TSEN15: variants seen among roughly 807,000 people sequenced by gnomAD.
TSEN15 encodes tRNA-splicing endonuclease subunit Sen15.
A neutral mutation model predicts 20.5 loss-of-function variants in TSEN15; 10 were observed. The ratio of observed to expected loss-of-function variants is 0.49; its 90% CI spans 0.30 to 0.83. TSEN15 has a LOEUF of 0.83. Among genes scored for constraint, TSEN15 ranks in the 40% least tolerant of loss-of-function variants. TSEN15 has a pLI of 0.06. For missense variants in TSEN15, 180 were observed against 218.6 expected, an observed-to-expected ratio of 0.82 and a Z score of 1.11; for synonymous variants, 72 against 80.1, an observed-to-expected ratio of 0.90 and a Z score of 0.54.
chr1:184,053,160 A>T (rs1363428614), intron 1 of TSEN15, among the ~76,000 whole-genome samples: 1 of 152,148 alleles, frequency 6.6e-6, no homozygotes, highest in Non-Finnish European at 1.5e-5. Flanking sequence ...GGCTGTATAC[A>T]CCTTGACCAT....
intron 3 of TSEN15, among the ~76,000 whole-genome samples, chr1:184,067,452 C>T (rs1020396420): frequency 6.6e-6 from 1 of 152,084 alleles, no homozygotes; most frequent in African/African-American, 2.4e-5. Flanking sequence ...TGGTATATCC[C>T]TGGGGTCTAA....
chr1:184,095,107 G>GTC (rs374414305), intron 3 of TSEN15: 5 of 398,544 alleles, frequency 1.3e-5, no homozygotes, highest in Admixed American at 4.4e-5. Flanking sequence ...CTGTCTTTTT[G>GTC]TCTCTCTCTC....
At chr1:184,064,225 CAA>C (rs1226334889) in intron 3 of TSEN15, among the ~76,000 whole-genome samples, 1 of 151,978 alleles carries the variant, frequency 6.6e-6, no homozygotes, top group Non-Finnish European at 1.5e-5. Context: ...GATAAAGAGA[CAA>C]GAGAGTCTGG....
chr1:184,086,949 T>TA (rs1306220523), intron 3 of TSEN15, among the ~76,000 whole-genome samples: 1 of 152,128 alleles, frequency 6.6e-6, no homozygotes, highest in African/African-American at 2.4e-5. Flanking sequence ...TTATGGATAA[T>TA]ATCTTAAAAC....
At chr1:184,065,055 C>T (rs933333717) in intron 3 of TSEN15, among the ~76,000 whole-genome samples, 2 of 152,170 alleles carry the variant, frequency 1.3e-5, no homozygotes, top group African/African-American at 4.8e-5. Context: ...CTCAAATTAG[C>T]ATGTCCAAAA....
chr1:184,058,651 G>A (rs1650335335), intron 3 of TSEN15, among the ~76,000 whole-genome samples: 1 of 152,042 alleles, frequency 6.6e-6, no homozygotes, highest in Admixed American at 6.5e-5. Context: ...TAGTAACACA[G>A]AGAAGAAAAT....
At position 184,055,190 on chromosome 1, in the gene TSEN15, G is replaced by T. The variant is rs141134205; in HGVS notation, c.353+327G>T. The T allele has an allele frequency of 2.7e-3, 537 of 198,092 alleles. 2 individuals are homozygous for T. Among genetic ancestry groups the T allele is most frequent in the African/African-American group, 7.2e-3 (312 of 43,374 alleles). The allele number at this position is 198,092 out of a possible 1,614,324, so 12.3% of individuals were successfully genotyped here. On this transcript the variant is annotated intron_variant, in intron 3 of 4. Transcript: ENST00000645668. ...AAGCTTATAATCATGGAGGAAGTTCGTGAAGCAAGAGCAGGCACATCATAT... is the reference window on the plus strand; with the variant it reads ...AAGCTTATAATCATGGAGGAAGTTCTTGAAGCAAGAGCAGGCACATCATAT...
chr1:184,078,130 C>A (rs1651099136), downstream of TSEN15, among the ~76,000 whole-genome samples: 1 of 152,030 alleles, frequency 6.6e-6, no homozygotes, highest in Non-Finnish European at 1.5e-5. Flanking sequence ...TTGCCACAGC[C>A]ACCGCAACCT....
chr1:184,063,956 A>G (rs1457195880), intron 3 of TSEN15, among the ~76,000 whole-genome samples: 1 of 152,200 alleles, frequency 6.6e-6, no homozygotes, highest in Non-Finnish European at 1.5e-5. Flanking sequence ...ATTATATACT[A>G]CCTAGAGGCA....
chr1:184,052,165 G>T (rs1375619457), intron 1 of TSEN15, among the ~76,000 whole-genome samples: 5 of 152,260 alleles, frequency 3.3e-5, no homozygotes, highest in East Asian at 3.9e-4. Flanking sequence ...CCTAATAAGC[G>T]CTCCACTAGT....
chr1:184,069,758 T>G (rs1650817212), intron 3 of TSEN15, among the ~76,000 whole-genome samples: 1 of 152,106 alleles, frequency 6.6e-6, no homozygotes, highest in African/African-American at 2.4e-5. Flanking sequence ...GGTCTTGTTC[T>G]TGTTTGTTGA....
intron 3 of TSEN15, among the ~76,000 whole-genome samples, chr1:184,057,657 G>A (rs1034160927): frequency 5.9e-5 from 9 of 152,150 alleles, no homozygotes; most frequent in African/African-American, 2.2e-4. Context: ...TAAAGCTGCT[G>A]TAACTGGTTA....
intron 3 of TSEN15, among the ~76,000 whole-genome samples, chr1:184,066,319 C>A (rs936251798): frequency 3.3e-5 from 5 of 151,334 alleles, no homozygotes; most frequent in African/African-American, 9.7e-5. Context: ...GCTCTCTATT[C>A]TATTCCATTG....
downstream of TSEN15, among the ~76,000 whole-genome samples, chr1:184,077,953 CATAAACTTA>C (rs1427996447): frequency 6.6e-6 from 1 of 152,134 alleles, no homozygotes; most frequent in Non-Finnish European, 1.5e-5. Flanking sequence ...TAGAAAATTA[CATAAACTTA>C]ATAAAGCAGC....
At chr1:184,051,935 C>A in intron 1 of TSEN15, 45 bp downstream of exon 1, 2 of 1,464,296 alleles carry the variant, frequency 1.4e-6, no homozygotes, top group Non-Finnish European at 1.8e-6. Context: ...GGCCCCTAAC[C>A]CAGGCAGAAC....
downstream of TSEN15, among the ~76,000 whole-genome samples, chr1:184,075,970 A>G (rs1303031893): frequency 6.6e-6 from 1 of 150,826 alleles, no homozygotes; most frequent in Non-Finnish European, 1.5e-5. Flanking sequence ...TAAAAGCCTA[A>G]TTTATCCTGA....
chr1:184,052,244 A>G (rs1181278348), intron 1 of TSEN15, among the ~76,000 whole-genome samples: 1 of 152,184 alleles, frequency 6.6e-6, no homozygotes, highest in Non-Finnish European at 1.5e-5. Context: ...ATGCAAGACA[A>G]TTTGTGGGCG....
chr1:184,077,757 G>A (rs1461529952), downstream of TSEN15, among the ~76,000 whole-genome samples: 1 of 152,160 alleles, frequency 6.6e-6, no homozygotes, highest in East Asian at 1.9e-4. Context: ...CTGCAGATGT[G>A]GTAGAAATAG....
intron 3 of TSEN15, 105 bp from the exon 4 acceptor site, chr1:184,072,052 T>A: frequency 9.0e-7 from 1 of 1,105,392 alleles, no homozygotes; most frequent in Non-Finnish European, 1.3e-6. Flanking sequence ...TTACTTCAGT[T>A]TGGTTTCTTG....
Sources: allele counts gnomAD v4.1 joint callset (sites outside exome capture counted in the v4.1 genomes callset), GRCh38; gene constraint gnomAD v4.1.1; transcripts MANE v1.5; gene names NCBI Gene and HGNC (gene_info 2026-07-23, HGNC 2026-07-21).